QKI: variants seen among roughly 807,000 people sequenced by gnomAD.
QKI encodes QKI, KH domain containing RNA binding, also known as KH domain-containing RNA-binding protein QKI.
In QKI, 10 loss-of-function variants were observed where a neutral mutation model predicts 39.0. The ratio of observed to expected loss-of-function variants is 0.26; its 90% CI spans 0.16 to 0.43. The LOEUF (loss-of-function observed/expected upper bound fraction) is 0.43, where lower values mean the gene tolerates loss of function less well. QKI is among the 20% of genes least tolerant of loss of function. The pLI is 1.00. For synonymous variants in QKI, 204 were observed against 155.4 expected (o/e 1.31, Z -2.33); for missense variants, 218 against 428.0 (o/e 0.51, Z 4.33).
chr6:163,420,190 CT>C (rs35712540), intron 1 of QKI, among the ~76,000 whole-genome samples: 4,448 of 97,920 alleles, frequency 0.045, 196 homozygotes, highest in African/African-American at 0.15. Flanking sequence ...TTTTTCTTTC[CT>C]TTTTTTTTTT....
At chr6:163,500,365 G>T (rs1249922825) in intron 3 of QKI, among the ~76,000 whole-genome samples, 2 of 152,138 alleles carry the variant, frequency 1.3e-5, no homozygotes, top group Non-Finnish European at 2.9e-5. Flanking sequence ...GGCAAGAGAT[G>T]GTGGCATGGA....
chr6:163,474,098 A>C (rs1236652879), intron 2 of QKI, among the ~76,000 whole-genome samples: 1 of 152,202 alleles, frequency 6.6e-6, no homozygotes, highest in Non-Finnish European at 1.5e-5. Context: ...TGTTGTTTTA[A>C]TAGATAGTGA....
rs184098905 is a variant in QKI at position 163,455,228 on chromosome 6, A to G, written c.143-51A>G. On this transcript the variant is annotated intron_variant, in intron 1 of 7. Transcript: ENST00000361752. ...TGCCCTCTCTTTTTTCCTCTGGACT[A>G]GCAAGAATATTTTTTTTGTCTAACA... 3.4e-3 allele frequency: 5,191 copies of G among 1,511,762 alleles called. 19 individuals carry two copies. Among genetic ancestry groups the G allele is most frequent in the Non-Finnish European group, 4.2e-3 (4,611 of 1,108,540 alleles). 93.6% of individuals were successfully genotyped at this position (1,511,762 alleles called of 1,614,324 possible).
chr6:163,532,951 G>T (rs1325106064), intron 3 of QKI, among the ~76,000 whole-genome samples: 1 of 152,140 alleles, frequency 6.6e-6, no homozygotes, highest in Non-Finnish European at 1.5e-5. Flanking sequence ...CTGATGTCCA[G>T]TGGCTTGAAA....
chr6:163,530,964 G>A (rs530443731), intron 3 of QKI, among the ~76,000 whole-genome samples: 5 of 152,012 alleles, frequency 3.3e-5, no homozygotes, highest in South Asian at 2.1e-4. Flanking sequence ...GTTGGACATC[G>A]TCATTTCAGT....
chr6:163,549,208 G>C (rs562940742), intron 4 of QKI, among the ~76,000 whole-genome samples: 3 of 151,180 alleles, frequency 2.0e-5, no homozygotes, highest in South Asian at 2.1e-4. Context: ...GAGAGGTTGA[G>C]GGGGGGGACA....
chr6:163,557,281 C>G (rs1782687403), intron 4 of QKI, among the ~76,000 whole-genome samples: 1 of 152,108 alleles, frequency 6.6e-6, no homozygotes, highest in African/African-American at 2.4e-5. Flanking sequence ...ATGGTTAGGG[C>G]TTGAGGTACA....
intron 4 of QKI, 33 bp from the exon 5 acceptor site, chr6:163,561,947 CAA>C: frequency 6.5e-7 from 1 of 1,540,958 alleles, no homozygotes; most frequent in Non-Finnish European, 8.9e-7. Context: ...TGGACAGTCT[CAA>C]ATGCTTTCAT....
intron 2 of QKI, among the ~76,000 whole-genome samples, chr6:163,469,012 A>G (rs1791989622): frequency 6.6e-6 from 1 of 151,800 alleles, no homozygotes; most frequent in South Asian, 2.1e-4. Context: ...AACATCCTTG[A>G]GCTGTTTGTG....
chr6:163,570,614 G>A (rs1029439411), intron 7 of QKI, 80 bp from the exon 8 acceptor site: 35 of 1,582,372 alleles, frequency 2.2e-5, no homozygotes, highest in African/African-American at 1.9e-4. Flanking sequence ...TCATTAAGCC[G>A]TCACTAGCTG....
At chr6:163,529,457 T>C (rs1002049885) in intron 3 of QKI, among the ~76,000 whole-genome samples, 1 of 152,150 alleles carries the variant, frequency 6.6e-6, no homozygotes, top group Non-Finnish European at 1.5e-5. Flanking sequence ...GATTCTGATA[T>C]TCAACTTGGA....
chr6:163,484,593 C>G (rs188711759), intron 3 of QKI, among the ~76,000 whole-genome samples: 5 of 152,308 alleles, frequency 3.3e-5, no homozygotes, highest in Admixed American at 2.0e-4. Flanking sequence ...TAGCCCCTAA[C>G]AAGAGAATCA....
At chr6:163,430,723 A>C (rs754385643) in intron 1 of QKI, among the ~76,000 whole-genome samples, 2 of 152,070 alleles carry the variant, frequency 1.3e-5, no homozygotes, top group Non-Finnish European at 2.9e-5. Context: ...TTTTTACTCT[A>C]ATGGCTTGAA....
intron 1 of QKI, among the ~76,000 whole-genome samples, chr6:163,422,011 A>G (rs1308012358): frequency 2.0e-5 from 3 of 151,820 alleles, no homozygotes; most frequent in Admixed American, 1.3e-4. Flanking sequence ...TGACCCCATG[A>G]TCTGACCGCC....
chr6:163,416,425 GTTTT>G (rs1186811885), intron 1 of QKI: 1 of 157,412 alleles, frequency 6.4e-6, no homozygotes, highest in Non-Finnish European at 1.4e-5. Flanking sequence ...GAGTTTGTTT[GTTTT>G]TTTTTCCTGC....
rs368970926 is a variant in QKI, at chr6:163,570,894, CTT to C, written c.*200_*201del. On this transcript the variant is annotated 3_prime_UTR_variant, in exon 8 of 8. Transcript: ENST00000361752. ...AAGAAATTGTTGTCCTCCAACTCAG[CTT>C]TTTTTTTTTTTTTTTCCTGTTTGGG... is the stretch of plus-strand genomic sequence containing the variant. 0.032 allele frequency: 15,364 copies of C among 472,810 alleles called. No individual in the cohort carries two copies. The highest frequency in any genetic ancestry group is 0.043 in the East Asian group (1,056 of 24,446). The allele number at this position is 472,810 out of a possible 1,614,324, so 29.3% of individuals were successfully genotyped here.
Position 163,469,454 on chromosome 6 carries a change from A to T in QKI, c.286-9326A>T, listed in dbSNP as rs117507255. Reference sequence around the variant, plus strand: ...ACAATTTGGGAAAAGATCTGTATAGAGTACAACTATTATTGAAGAGTAGCT... The same window carrying T: ...ACAATTTGGGAAAAGATCTGTATAGTGTACAACTATTATTGAAGAGTAGCT... On this transcript the variant is annotated intron_variant, in intron 2 of 7. Transcript: ENST00000361752. 2.1e-3 allele frequency among the ~76,000 whole-genome samples: 326 copies of T among 152,340 alleles called. 6 individuals carry two copies. In the East Asian group the frequency reaches 0.033, roughly 15 times the overall value.
intron 3 of QKI, among the ~76,000 whole-genome samples, chr6:163,511,806 GA>G (rs199643377): frequency 2.0e-5 from 3 of 148,638 alleles, no homozygotes; most frequent in South Asian, 2.1e-4. Context: ...CTTCCATTAA[GA>G]AAAAAAAATG....
chr6:163,434,145 T>C (rs1789060715), intron 1 of QKI, among the ~76,000 whole-genome samples: 1 of 152,036 alleles, frequency 6.6e-6, no homozygotes, highest in Admixed American at 6.6e-5. Context: ...AGTCTAGTGC[T>C]CAAGGAGCCA....
Sources: gnomAD v4.1 joint callset for allele counts (sites outside exome capture counted in the v4.1 genomes callset) on GRCh38, gnomAD v4.1.1 for gene constraint, MANE v1.5 for transcripts, NCBI Gene and HGNC (gene_info 2026-07-23, HGNC 2026-07-21) for gene names.